Variants in BNC2 observed in about 807,000 individuals in gnomAD.
BNC2 encodes basonuclin zinc finger protein 2, also known as zinc finger protein basonuclin-2.
Under a neutral mutation model 76.3 loss-of-function variants are expected in BNC2, and 20 were observed. The ratio of observed to expected loss-of-function variants is 0.26; its 90% CI spans 0.18 to 0.38. The LOEUF (loss-of-function observed/expected upper bound fraction) is 0.38, where lower values mean the gene tolerates loss of function less well. Ranked by LOEUF, BNC2 falls within the 10% of genes least tolerant of loss-of-function variation. The pLI is 1.00. For synonymous variants in BNC2, 582 were observed against 514.8 expected (o/e 1.13, Z -1.77); for missense variants, 1,382 against 1,399.8 (o/e 0.99, Z 0.20).
chr9:16,532,985 C>T (rs559285988), intron 5 of BNC2, among the ~76,000 whole-genome samples: 2 of 152,172 alleles, frequency 1.3e-5, no homozygotes, highest in African/African-American at 2.4e-5. Flanking sequence ...ACCAACACAA[C>T]GCTAGCAATG....
chr9:16,804,830 G>C (rs184397144), intron 1 of BNC2, among the ~76,000 whole-genome samples: 1 of 152,090 alleles, frequency 6.6e-6, no homozygotes, highest in Non-Finnish European at 1.5e-5. Context: ...TTGGGAGGCC[G>C]AGGCAGGCGG....
chr9:16,524,719 T>C (rs1451743353), intron 5 of BNC2, among the ~76,000 whole-genome samples: 1 of 152,180 alleles, frequency 6.6e-6, no homozygotes, highest in Non-Finnish European at 1.5e-5. Flanking sequence ...ATAAGCTCTA[T>C]ACAACAACAT....
At chr9:16,471,785 G>C (rs1821831708) in intron 5 of BNC2, among the ~76,000 whole-genome samples, 1 of 152,066 alleles carries the variant, frequency 6.6e-6, no homozygotes. Context: ...ATATGGTTTG[G>C]CTGTGTCCCC....
chr9:16,810,990 G>A (rs914502936), intron 1 of BNC2, among the ~76,000 whole-genome samples: 13 of 151,974 alleles, frequency 8.6e-5, no homozygotes, highest in East Asian at 1.9e-4. Flanking sequence ...AGGCTGAGGC[G>A]GGCAGATCTC....
chr9:16,456,967 A>G (rs1927640), intron 5 of BNC2, among the ~76,000 whole-genome samples: 61,173 of 152,016 alleles, frequency 0.4, 13,511 homozygotes, highest in East Asian at 0.67. Context: ...TAATTATTCA[A>G]TAGTAGAAAG....
At chr9:16,672,756 T>C (rs879453126) in intron 3 of BNC2, among the ~76,000 whole-genome samples, 5 of 152,212 alleles carry the variant, frequency 3.3e-5, no homozygotes, top group African/African-American at 1.2e-4. Flanking sequence ...CTACAATTTA[T>C]TAGTTACTTT....
intron 3 of BNC2, among the ~76,000 whole-genome samples, chr9:16,606,726 T>G (rs534407930): frequency 4.6e-5 from 7 of 152,220 alleles, no homozygotes; most frequent in African/African-American, 1.7e-4. Context: ...CCCAGCTAAC[T>G]TTTGTATTTT....
intron 1 of BNC2, among the ~76,000 whole-genome samples, chr9:16,795,363 C>T (rs1817617336): frequency 6.8e-6 from 1 of 147,514 alleles, no homozygotes; most frequent in Non-Finnish European, 1.5e-5. Context: ...CAAATGATGA[C>T]TGCTAACTGC....
At chr9:16,772,289 A>G (rs1825851984) in intron 1 of BNC2, among the ~76,000 whole-genome samples, 1 of 151,844 alleles carries the variant, frequency 6.6e-6, no homozygotes, top group Admixed American at 6.6e-5. Flanking sequence ...CAGAGTTGAT[A>G]CCCTTCTCCT....
At chr9:16,518,116 A>T (rs1817493290) in intron 5 of BNC2, among the ~76,000 whole-genome samples, 1 of 152,204 alleles carries the variant, frequency 6.6e-6, no homozygotes, top group Non-Finnish European at 1.5e-5. Flanking sequence ...ATTTATAAAA[A>T]TATAATAATG....
intron 3 of BNC2, among the ~76,000 whole-genome samples, chr9:16,672,492 T>C (rs932869848): frequency 4.0e-5 from 6 of 151,580 alleles, no homozygotes; most frequent in African/African-American, 1.5e-4. Flanking sequence ...GCAAGATCCA[T>C]CTCAAAAAAA....
At chr9:16,699,071 T>C (rs996833909) in intron 3 of BNC2, 1 of 408,302 alleles carries the variant, frequency 2.4e-6, no homozygotes, top group Admixed American at 3.1e-5. Flanking sequence ...ATGGTATTTT[T>C]AAGTTACTTT....
At chr9:16,802,806 C>G (rs915686725) in intron 1 of BNC2, among the ~76,000 whole-genome samples, 2 of 152,184 alleles carry the variant, frequency 1.3e-5, no homozygotes, top group African/African-American at 4.8e-5. Flanking sequence ...AGAATGTTCT[C>G]TGGATTTGGA....
chr9:16,455,569 T>A (rs909660913), intron 5 of BNC2, among the ~76,000 whole-genome samples: 3 of 152,194 alleles, frequency 2.0e-5, no homozygotes, highest in African/African-American at 7.2e-5. Context: ...GGCAGGTGGA[T>A]CACCTGAGGT....
At chr9:16,491,147 G>A (rs1477624769) in intron 5 of BNC2, among the ~76,000 whole-genome samples, 2 of 152,176 alleles carry the variant, frequency 1.3e-5, no homozygotes, top group African/African-American at 4.8e-5. Context: ...AAGGCACCGA[G>A]AGCAAAGACA....
chr9:16,526,017 A>G (rs1817789190), intron 5 of BNC2, among the ~76,000 whole-genome samples: 1 of 152,084 alleles, frequency 6.6e-6, no homozygotes, highest in South Asian at 2.1e-4. Flanking sequence ...TTATCATTCT[A>G]TCTACTAGAT....
intron 4 of BNC2, among the ~76,000 whole-genome samples, chr9:16,570,334 G>T (rs1478589079): frequency 1.3e-5 from 2 of 152,170 alleles, no homozygotes; most frequent in African/African-American, 4.8e-5. Flanking sequence ...TGTGTCACAA[G>T]TAATTTTTCC....
intron 4 of BNC2, among the ~76,000 whole-genome samples, chr9:16,557,301 C>T (rs982349751): frequency 6.6e-6 from 1 of 151,994 alleles, no homozygotes; most frequent in African/African-American, 2.4e-5. Flanking sequence ...GAGTTTGAGA[C>T]CAGGCTGGCC....
intron 1 of BNC2, among the ~76,000 whole-genome samples, chr9:16,861,521 T>G (rs1334071791): frequency 6.6e-6 from 1 of 151,974 alleles, no homozygotes; most frequent in East Asian, 1.9e-4. Context: ...TGGAGACATG[T>G]CTCTGTTTTC....
Sources: allele counts gnomAD v4.1 joint callset (sites outside exome capture counted in the v4.1 genomes callset), GRCh38; gene constraint gnomAD v4.1.1; transcripts MANE v1.5; gene names NCBI Gene and HGNC (gene_info 2026-07-23, HGNC 2026-07-21).